The following MGAT5 variants were observed in gnomAD, a reference collection of about 807,000 sequenced individuals.
MGAT5 encodes the protein alpha-1,6-mannosylglycoprotein 6-beta-N-acetylglucosaminyltransferase A.
In MGAT5, 30 loss-of-function variants were observed where a neutral mutation model predicts 94.3. That is an observed-to-expected ratio of 0.32 (90% CI 0.24 to 0.43). The LOEUF is 0.43. Among genes scored for constraint, MGAT5 ranks in the 20% least tolerant of loss-of-function variants. The pLI is 1.00. For synonymous variants in MGAT5, 310 were observed against 322.9 expected, an observed-to-expected ratio of 0.96 and a Z score of 0.43; for missense variants, 691 against 905.5, an observed-to-expected ratio of 0.76 and a Z score of 3.04.
chr2:134,284,860 G>T (rs947340930), intron 2 of MGAT5, among the ~76,000 whole-genome samples: 6 of 152,152 alleles, frequency 3.9e-5, no homozygotes, highest in Admixed American at 6.5e-5. Flanking sequence ...AGAAGGTCAC[G>T]TGTGGCATTT....
intron 1 of MGAT5, among the ~76,000 whole-genome samples, chr2:134,263,950 G>A (rs1217938463): frequency 6.7e-6 from 1 of 148,216 alleles, no homozygotes; most frequent in African/African-American, 2.5e-5. Flanking sequence ...GTGTGTATAT[G>A]TGTATATATG....
intron 1 of MGAT5, among the ~76,000 whole-genome samples, chr2:134,219,074 A>G (rs1027196092): frequency 6.6e-6 from 1 of 152,170 alleles, no homozygotes; most frequent in Non-Finnish European, 1.5e-5. Flanking sequence ...CAGTAATTAG[A>G]GAATTTGAGG....
rs1317412493 is a variant in MGAT5, at chr2:134,297,214, A to C, written c.407-20315A>C. Among the ~76,000 whole-genome samples the C allele has an allele frequency of 4.6e-5, 7 of 151,912 alleles. No homozygotes were observed. The East Asian group carries it at 1.4e-3, about 29-fold the overall frequency. Reference sequence around the variant, plus strand: ...CTGGTCTCAAAAAAAAAAAAAAAAAAAAATCATCTGAATAGCTCAATAACA... The same window carrying C: ...CTGGTCTCAAAAAAAAAAAAAAAAACAAATCATCTGAATAGCTCAATAACA... On this transcript the variant is annotated intron_variant, in intron 2 of 15. Coordinates refer to ENST00000281923, the MANE Select transcript of MGAT5 (RefSeq NM_002410.5).
At chr2:134,279,607 A>T (rs1684577210) in intron 2 of MGAT5, among the ~76,000 whole-genome samples, 2 of 152,162 alleles carry the variant, frequency 1.3e-5, no homozygotes. Context: ...TTGATGGGGG[A>T]ACTCAGTAAC....
Position 134,402,971 on chromosome 2 carries a change from C to T in MGAT5, c.1381-17C>T. On this transcript the variant is annotated splice_polypyrimidine_tract_variant and intron_variant, in intron 10 of 15. Coordinates refer to ENST00000281923, the MANE Select transcript of MGAT5 (RefSeq NM_002410.5). ...GAAAGAAAAAGAGAAATGTCTTGTG[C>T]TTGTTTTCTTCTTTAGAATAAGAAG... The T allele has an allele frequency of 6.3e-7, 1 of 1,576,076 alleles. No homozygotes were observed. Among genetic ancestry groups the T allele is most frequent in the Non-Finnish European group, 8.6e-7 (1 of 1,165,430 alleles).
chr2:134,375,929 A>C (rs1034148725), intron 10 of MGAT5, among the ~76,000 whole-genome samples: 1 of 152,208 alleles, frequency 6.6e-6, no homozygotes, highest in African/African-American at 2.4e-5. Context: ...CACAGAGGTG[A>C]GAGTCAGTAC....
intron 1 of MGAT5, among the ~76,000 whole-genome samples, chr2:134,258,881 C>T (rs1230311437): frequency 6.6e-6 from 1 of 152,226 alleles, no homozygotes; most frequent in Admixed American, 6.5e-5. Context: ...TCACCAAGGA[C>T]TGTGAGACAT....
At chr2:134,438,400 A>T (rs895285515) in intron 14 of MGAT5, among the ~76,000 whole-genome samples, 4 of 152,162 alleles carry the variant, frequency 2.6e-5, no homozygotes, top group Non-Finnish European at 4.4e-5. Context: ...ACAACCAAAA[A>T]ACACTTTACC....
At chr2:134,167,454 C>T (rs1424190203) in intron 1 of MGAT5, among the ~76,000 whole-genome samples, 1 of 152,204 alleles carries the variant, frequency 6.6e-6, no homozygotes. Context: ...TAAAACAGCG[C>T]TGGCCCCATC....
At chr2:134,150,569 C>G (rs1433227353) in intron 1 of MGAT5, among the ~76,000 whole-genome samples, 1 of 152,180 alleles carries the variant, frequency 6.6e-6, no homozygotes, top group Non-Finnish European at 1.5e-5. Context: ...CACGCTTGTG[C>G]TGGGTTTGCT....
chr2:134,270,295 G>A (rs537313273), intron 1 of MGAT5, 91 bp from the exon 2 acceptor site: 2 of 1,252,876 alleles, frequency 1.6e-6, no homozygotes, highest in South Asian at 2.9e-5. Flanking sequence ...AAACATTTGA[G>A]AAGTTTTGTT....
intron 1 of MGAT5, among the ~76,000 whole-genome samples, chr2:134,165,871 A>G (rs1687945052): frequency 6.6e-6 from 1 of 152,146 alleles, no homozygotes; most frequent in Non-Finnish European, 1.5e-5. Context: ...AGCCTGGCAG[A>G]TGTGTGTTAA....
chr2:134,169,415 C>CACACACACAG (rs1553487202), intron 1 of MGAT5, among the ~76,000 whole-genome samples: 4 of 58,208 alleles, frequency 6.9e-5, no homozygotes, highest in African/African-American at 1.6e-4. Flanking sequence ...CACACACAGA[C>CACACACACAG]ACACACACAC....
Position 134,256,737 on chromosome 2 carries a change from A to T in MGAT5, c.241+2093A>T, listed in dbSNP as rs35681832. On this transcript the variant is annotated intron_variant, in intron 1 of 15. Coordinates refer to ENST00000281923, the MANE Select transcript of MGAT5 (RefSeq NM_002410.5). ...AGAAACTATAGAAATTATTTATTCC[A>T]ACTTACTTTCGTAGATGAACCTTAG... Among the ~76,000 whole-genome samples the T allele has an allele frequency of 4.6e-5, 7 of 152,380 alleles. 1 individual carries two copies. Among genetic ancestry groups the T allele is most frequent in the Admixed American group, 4.6e-4 (7 of 15,312 alleles).
chr2:134,439,503 C>G lies in MGAT5; in HGVS notation c.1870-2255C>G, dbSNP rs201438724. Among the ~76,000 whole-genome samples the G allele has an allele frequency of 2.0e-5, 3 of 152,156 alleles. No individual in the cohort carries two copies. The East Asian group carries it at 5.8e-4, about 29-fold the overall frequency. ...CCTGAGGTCAGGAGTTCGAGACCAGCCTGGCCAACATGGCAAAACCTCGTC... is the reference window on the plus strand; with the variant it reads ...CCTGAGGTCAGGAGTTCGAGACCAGGCTGGCCAACATGGCAAAACCTCGTC... On this transcript the variant is annotated intron_variant, in intron 14 of 15. Transcript: ENST00000281923.
At chr2:134,383,226 G>A (rs1055090758) in intron 10 of MGAT5, among the ~76,000 whole-genome samples, 3 of 152,200 alleles carry the variant, frequency 2.0e-5, no homozygotes, top group Non-Finnish European at 4.4e-5. Context: ...GCCTGCATCA[G>A]AGGATTTTTT....
intron 1 of MGAT5, among the ~76,000 whole-genome samples, chr2:134,126,823 A>G (rs576271173): frequency 6.6e-6 from 1 of 151,836 alleles, no homozygotes; most frequent in South Asian, 2.1e-4. Context: ...CTGTCTACAC[A>G]TTCAGTGTGT....
chr2:134,364,500 C>CA (rs5834408), intron 10 of MGAT5, among the ~76,000 whole-genome samples: 73,808 of 148,888 alleles, frequency 0.5, 21,549 homozygotes, highest in Non-Finnish European at 0.66. Context: ...AACTCTGTCT[C>CA]AAAAAAAAAA....
At chr2:134,440,791 C>G (rs574417765) in intron 14 of MGAT5, among the ~76,000 whole-genome samples, 1 of 152,120 alleles carries the variant, frequency 6.6e-6, no homozygotes, top group African/African-American at 2.4e-5. Flanking sequence ...GCACTTCTTA[C>G]GATTTTCACT....
Sources: gnomAD v4.1 joint callset for allele counts (sites outside exome capture counted in the v4.1 genomes callset) on GRCh38, gnomAD v4.1.1 for gene constraint, MANE v1.5 for transcripts, NCBI Gene and HGNC (gene_info 2026-07-23, HGNC 2026-07-21) for gene names.